The following IQSEC1 variants were observed in gnomAD, a reference collection of about 807,000 sequenced individuals.
IQSEC1 encodes the protein IQ motif and Sec7 domain ArfGEF 1.
Under a neutral mutation model 91.0 loss-of-function variants are expected in IQSEC1, and 31 were observed. The ratio of observed to expected loss-of-function variants is 0.34; its 90% CI spans 0.26 to 0.46. The LOEUF (loss-of-function observed/expected upper bound fraction) is 0.46. IQSEC1 is among the 20% of genes least tolerant of loss of function. IQSEC1 has a pLI of 1.00. For synonymous variants in IQSEC1, 699 were observed against 662.6 expected, an observed-to-expected ratio of 1.05 and a Z score of -0.84; for missense variants, 1,388 against 1,575.6, an observed-to-expected ratio of 0.88 and a Z score of 2.02.
At chr3:13,036,639 G>A (rs933115764) in intron 1 of IQSEC1, among the ~76,000 whole-genome samples, 2 of 152,106 alleles carry the variant, frequency 1.3e-5, no homozygotes, top group Non-Finnish European at 2.9e-5. Flanking sequence ...GCGGTGTGGG[G>A]GGTGCCCGAC....
At chr3:13,126,307 G>A (rs1401317230) in intron 2 of IQSEC1, among the ~76,000 whole-genome samples, 1 of 152,168 alleles carries the variant, frequency 6.6e-6, no homozygotes, top group Non-Finnish European at 1.5e-5. Flanking sequence ...TCTTTCACTT[G>A]GTTATGATTA....
At chr3:13,043,536 T>G (rs1207984475) in intron 1 of IQSEC1, among the ~76,000 whole-genome samples, 1 of 152,234 alleles carries the variant, frequency 6.6e-6, no homozygotes, top group Non-Finnish European at 1.5e-5. Flanking sequence ...GCACCCCTCG[T>G]GTCTAAGCTA....
chr3:13,248,612 C>T (rs891123542), intron 1 of IQSEC1, among the ~76,000 whole-genome samples: 5 of 152,232 alleles, frequency 3.3e-5, no homozygotes, highest in African/African-American at 1.2e-4. Context: ...CCCTCAGTAC[C>T]CTTTGTGACT....
At chr3:13,121,942 C>T (rs1250934575) in intron 2 of IQSEC1, among the ~76,000 whole-genome samples, 1 of 152,210 alleles carries the variant, frequency 6.6e-6, no homozygotes, top group Admixed American at 6.5e-5. Flanking sequence ...GACCTTCATC[C>T]AGATTAAAAG....
intron 1 of IQSEC1, among the ~76,000 whole-genome samples, chr3:12,985,371 G>A (rs372496259): frequency 9.7e-4 from 147 of 152,276 alleles, no homozygotes; most frequent in African/African-American, 3.4e-3. Context: ...GCCCGAGTCA[G>A]GTCCCCAGGC....
At chr3:13,061,850 C>T (rs1454234263) in intron 1 of IQSEC1, among the ~76,000 whole-genome samples, 1 of 152,216 alleles carries the variant, frequency 6.6e-6, no homozygotes, top group Non-Finnish European at 1.5e-5. Flanking sequence ...CCCAGTGGTT[C>T]GGGGGGCTGA....
At chr3:13,190,283 G>C (rs1286985109) in intron 1 of IQSEC1, among the ~76,000 whole-genome samples, 1 of 152,216 alleles carries the variant, frequency 6.6e-6, no homozygotes, top group Non-Finnish European at 1.5e-5. Context: ...CTCCATGAGT[G>C]CGAGTGGGGC....
chr3:12,920,613 A>AG lies in IQSEC1; in HGVS notation c.1854-18dup, dbSNP rs745875943. On this transcript the variant is annotated splice_polypyrimidine_tract_variant and intron_variant, in intron 5 of 13. Coordinates refer to ENST00000613206, the MANE Select transcript of IQSEC1 (RefSeq NM_001134382.3). ...TAGCGCTGGCTGCGGGCCGGGAGGG[A>AG]GGGGGTCAGGGCCATGGCGCAGCAA... 1.2e-6 allele frequency: 2 copies of AG among 1,612,432 alleles called. No homozygotes were observed. The highest frequency in any genetic ancestry group is 1.1e-5 in the South Asian group (1 of 91,052).
rs564154334 is a variant in IQSEC1 at position 13,224,765 on chromosome 3, G to A, written c.272+57946C>T. Among the ~76,000 whole-genome samples, 426 of 152,176 alleles carry A rather than the reference G, an allele frequency of 2.8e-3. 4 individuals are homozygous for A. Among genetic ancestry groups the A allele is most frequent in the Non-Finnish European group, 4.4e-3 (300 of 68,000 alleles). On this transcript the variant is annotated intron_variant, in intron 1 of 15. Transcript: ENST00000648114. ...AGCCATCTCCATTGTCAATCCCCCCGCCAACTCCCGTGACCACACAGGTGC... is the reference window on the plus strand; with the variant it reads ...AGCCATCTCCATTGTCAATCCCCCCACCAACTCCCGTGACCACACAGGTGC...
intron 1 of IQSEC1, among the ~76,000 whole-genome samples, chr3:13,262,434 C>T (rs896961377): frequency 6.6e-6 from 1 of 152,226 alleles, no homozygotes; most frequent in Admixed American, 6.5e-5. Flanking sequence ...CACCATTCCA[C>T]TGCCACAGTT....
intron 1 of IQSEC1, chr3:13,052,978 G>C (rs1385825080): frequency 1.7e-6 from 2 of 1,177,088 alleles, no homozygotes; most frequent in Non-Finnish European, 2.5e-6. Flanking sequence ...TATAGACCCA[G>C]CTTGGTTCTT....
rs1053120090 is a variant in IQSEC1, at chr3:12,897,846, G to C, written c.*3137C>G. On this transcript the variant is annotated 3_prime_UTR_variant, in exon 14 of 14. Coordinates refer to ENST00000613206, the MANE Select transcript of IQSEC1 (RefSeq NM_001134382.3). ...GTGTGAGGGAAAGATCACTGCACTG[G>C]GTGCTGAAGACATTTTTAAGCAAGA... 6 of 152,154 alleles carry C rather than the reference G, an allele frequency of 3.9e-5. No individual in the cohort carries two copies. Among genetic ancestry groups the C allele is most frequent in the Non-Finnish European group, 8.8e-5 (6 of 68,028 alleles). The allele number at this position is 152,154 out of a possible 1,614,324, so 9.4% of individuals were successfully genotyped here.
Position 12,897,707 on chromosome 3 carries a change from T to C in IQSEC1, c.*3276A>G, listed in dbSNP as rs1693784292. The C allele has an allele frequency of 6.6e-6, 1 of 152,230 alleles. No homozygotes were observed. The highest frequency in any genetic ancestry group is 1.5e-5 in the Non-Finnish European group (1 of 68,048). 9.4% of individuals were successfully genotyped at this position (152,230 alleles called of 1,614,324 possible). ...GGAGAACTGTAAGACTGTGCGTGCT[T>C]ACCTGCGGGCACAGAGCTTCCCGTG... On this transcript the variant is annotated 3_prime_UTR_variant, in exon 14 of 14. Transcript: ENST00000613206.
At chr3:13,160,051 A>G (rs1290017517) in intron 2 of IQSEC1, among the ~76,000 whole-genome samples, 1 of 152,170 alleles carries the variant, frequency 6.6e-6, no homozygotes, top group Non-Finnish European at 1.5e-5. Flanking sequence ...ACATTTGCAA[A>G]ATGGTCAAAA....
intron 1 of IQSEC1, among the ~76,000 whole-genome samples, chr3:13,167,615 T>C (rs1693523346): frequency 1.3e-5 from 2 of 152,274 alleles, no homozygotes; most frequent in South Asian, 4.1e-4. Flanking sequence ...AGCAAGAGGC[T>C]CAGACAGCCA....
intron 1 of IQSEC1, among the ~76,000 whole-genome samples, chr3:13,244,931 G>A (rs867433203): frequency 1.6e-4 from 25 of 152,290 alleles, no homozygotes; most frequent in African/African-American, 5.5e-4. Flanking sequence ...CCATGCCTCT[G>A]AGGACTACTA....
At position 13,123,116 on chromosome 3, in the gene IQSEC1, G is replaced by GC. The variant is rs1706451490; in HGVS notation, c.302+40987dup. Among the ~76,000 whole-genome samples, 4 of 152,162 alleles carry GC rather than the reference G, an allele frequency of 2.6e-5. No homozygotes were observed. In the South Asian group the frequency reaches 8.3e-4, roughly 32 times the overall value. ...CAATTACATGTCAAATAATACACCC[G>GC]CTGAGCAAATGATTAAGATAAAATC... On this transcript the variant is annotated intron_variant, in intron 2 of 15. Transcript: ENST00000648114.
chr3:13,073,567 C>T (rs1406503077), upstream of IQSEC1, among the ~76,000 whole-genome samples: 1 of 151,756 alleles, frequency 6.6e-6, no homozygotes, highest in Non-Finnish European at 1.5e-5. Context: ...TCGGCTGCGC[C>T]CTCGCGGCAA....
In IQSEC1 at chr3:12,899,506, G is replaced by T. The variant is rs1694004706; in HGVS notation, c.*1477C>A. On this transcript the variant is annotated 3_prime_UTR_variant, in exon 14 of 14. Coordinates refer to ENST00000613206, the MANE Select transcript of IQSEC1 (RefSeq NM_001134382.3). ...GCAGGTCTGGCCCTGGGGAGCGCAT[G>T]GTGTCACCACAACACAGAAGCGACA... 122 of 1,563,402 alleles carry T rather than the reference G, an allele frequency of 7.8e-5. 1 individual carries two copies. In the South Asian group the frequency reaches 1.4e-3, roughly 18 times the overall value.
Sources: gnomAD v4.1 joint callset for allele counts (sites outside exome capture counted in the v4.1 genomes callset) on GRCh38, gnomAD v4.1.1 for gene constraint, MANE v1.5 for transcripts, NCBI Gene and HGNC (gene_info 2026-07-23, HGNC 2026-07-21) for gene names.